KDM4A: variants seen among roughly 807,000 people sequenced by gnomAD.
KDM4A encodes lysine-specific demethylase 4A.
KDM4A carries 23 observed loss-of-function variants against 127.1 expected under a neutral mutation model. The ratio of observed to expected loss-of-function variants is 0.18; its 90% CI spans 0.13 to 0.26. KDM4A has a LOEUF of 0.26. Ranked by LOEUF, KDM4A falls within the 10% of genes least tolerant of loss-of-function variation. The pLI, the probability that KDM4A is intolerant of heterozygous loss-of-function variation, is 1.00. For missense variants in KDM4A, 890 were observed against 1,329.1 expected, an observed-to-expected ratio of 0.67 and a Z score of 5.14; for synonymous variants, 443 against 466.5, an observed-to-expected ratio of 0.95 and a Z score of 0.65.
chr1:43,667,473 A>G (rs1477710695), intron 8 of KDM4A, among the ~76,000 whole-genome samples: 4 of 152,146 alleles, frequency 2.6e-5, no homozygotes, highest in South Asian at 2.1e-4. Flanking sequence ...ACAGGGAACA[A>G]GGGCAGGTGG....
At chr1:43,672,314 G>A (rs1436128610) in intron 11 of KDM4A, among the ~76,000 whole-genome samples, 9 of 151,600 alleles carry the variant, frequency 5.9e-5, no homozygotes, top group South Asian at 4.2e-4. Flanking sequence ...TCAGCCTCTC[G>A]AGTAGCTGGT....
chr1:43,694,589 C>T lies in KDM4A; in HGVS notation c.2485-120C>T, dbSNP rs950351770. The stretch of plus-strand genomic sequence containing the variant: ...CCTGGATTAGAGCAGGCTGGTGTGT[C>T]CTTGTATTTTGGGAAGGGGCTGGCT... On this transcript the variant is annotated intron_variant, in intron 17 of 21. Coordinates refer to ENST00000372396, the MANE Select transcript of KDM4A (RefSeq NM_014663.3). This position sits in a 1 kb window ranked among gnomAD's most constrained non-coding sequence, Gnocchi z 5.2. 21 of 779,260 alleles carry T rather than the reference C, an allele frequency of 2.7e-5. No individual in the cohort carries two copies. The African/African-American group carries it at 3.1e-4, about 12-fold the overall frequency. The allele number at this position is 779,260 out of a possible 1,614,324, so 48.3% of individuals were successfully genotyped here. A position where few individuals can be genotyped will look rare whatever the true frequency, so the allele number is the denominator to read the frequency against.
Position 43,693,877 on chromosome 1 carries a change from C to A in KDM4A, c.2376-117C>A, listed in dbSNP as rs1661178055. 2 of 741,858 alleles carry A rather than the reference C, an allele frequency of 2.7e-6. No individual in the cohort carries two copies. The allele number at this position is 741,858 out of a possible 1,614,324, so 46.0% of individuals were successfully genotyped here. ...CACCTTCCTGGGTCCCAGGCATGTGCTGGTGGAAGTCAGTGGTCACCCAGG... is the reference window on the plus strand; with the variant it reads ...CACCTTCCTGGGTCCCAGGCATGTGATGGTGGAAGTCAGTGGTCACCCAGG... On this transcript the variant is annotated intron_variant, in intron 16 of 21. Coordinates refer to ENST00000372396, the MANE Select transcript of KDM4A (RefSeq NM_014663.3). This position sits in a 1 kb window ranked among gnomAD's most constrained non-coding sequence, Gnocchi z 4.2.
chr1:43,694,795 T>C lies in KDM4A; in HGVS notation c.2571T>C (p.His857=), dbSNP rs61751199. 1.0e-3 allele frequency: 1,659 copies of C among 1,614,150 alleles called. 17 individuals carry two copies. Among genetic ancestry groups the C allele is most frequent in the Non-Finnish European group, 3.8e-4 (453 of 1,179,984 alleles). Residue 857 remains histidine (H), a synonymous_variant, in exon 18 of 22, where the codon CAT becomes CAC. Coordinates refer to ENST00000372396, the MANE Select transcript of KDM4A (RefSeq NM_014663.3). This position sits in a 1 kb window ranked among gnomAD's most constrained non-coding sequence, Gnocchi z 5.2. ...CSHGRCPTAF[H]VSCAQAAGVM... ...ACGGCCGCTGCCCAACTGCCTTCCA[T>C]GTGAGCTGCGCCCAGGCTGCCGGTG...
chr1:43,703,332 T>C (rs1661454355), intron 19 of KDM4A: 3 of 288,674 alleles, frequency 1.0e-5, no homozygotes, highest in Non-Finnish European at 1.3e-5. Context: ...GTTGAGGGAA[T>C]GTAAGAAGGA....
chr1:43,658,148 C>T (rs972575666), intron 3 of KDM4A, among the ~76,000 whole-genome samples: 6 of 150,634 alleles, frequency 4.0e-5, no homozygotes, highest in Non-Finnish European at 8.8e-5. Context: ...TCACTCACTG[C>T]AATCTCTGCC....
rs114650280 is a variant in KDM4A at position 43,671,189 on chromosome 1, C to T, written c.1364-316C>T. Among the ~76,000 whole-genome samples the T allele has an allele frequency of 9.9e-3, 1,512 of 152,366 alleles. 23 individuals carry two copies. Among genetic ancestry groups the T allele is most frequent in the African/African-American group, 0.035 (1,446 of 41,586 alleles). The stretch of plus-strand genomic sequence containing the variant: ...CAGGTCTCTGCTGAGCTCAGACTTG[C>T]ATTACCTGCAGGAGACTTTGGAGGA... On this transcript the variant is annotated intron_variant, in intron 10 of 21. Coordinates refer to ENST00000372396, the MANE Select transcript of KDM4A (RefSeq NM_014663.3).
chr1:43,698,618 C>T (rs1661302282), intron 19 of KDM4A, among the ~76,000 whole-genome samples: 1 of 152,190 alleles, frequency 6.6e-6, no homozygotes, highest in Non-Finnish European at 1.5e-5. Context: ...GGTAGACTGA[C>T]CACCAAAGTA....
At chr1:43,682,470 G>C (rs895135512) in intron 11 of KDM4A, among the ~76,000 whole-genome samples, 3 of 152,178 alleles carry the variant, frequency 2.0e-5, no homozygotes, top group Admixed American at 2.0e-4. Context: ...AGTAGGAAAA[G>C]GTCCCTGATA....
chr1:43,661,606 C>G (rs1474743565), intron 4 of KDM4A, among the ~76,000 whole-genome samples: 2 of 48,220 alleles, frequency 4.1e-5, no homozygotes, highest in African/African-American at 2.3e-4. Context: ...AAGACTCTGT[C>G]TCAAAAAAAA....
rs1660485450 is a variant in KDM4A, at chr1:43,665,679, C to T, written c.624-17C>T. The stretch of plus-strand genomic sequence containing the variant: ...CCTGCCCTCCACCCAGCCTCTGATG[C>T]TCTCATGTGATTGCAGGTACTCTGT... On this transcript the variant is annotated splice_polypyrimidine_tract_variant and intron_variant, in intron 5 of 21. Transcript: ENST00000372396. 6.2e-7 allele frequency: 1 copy of T among 1,613,678 alleles called. No homozygotes were observed. The highest frequency in any genetic ancestry group is 1.7e-5 in the Admixed American group (1 of 60,002).
At position 43,704,130 on chromosome 1, in the gene KDM4A, C is replaced by T; in HGVS notation, c.3054+18C>T. 2 of 1,611,524 alleles carry T rather than the reference C, an allele frequency of 1.2e-6. No individual in the cohort carries two copies. The highest frequency in any genetic ancestry group is 1.7e-6 in the Non-Finnish European group (2 of 1,178,054). The stretch of plus-strand genomic sequence containing the variant: ...CTAGACTGGTGAGTATTTTCTGTGT[C>T]CCCCCAGTTCCTGTCTTGGAGGGAG... On this transcript the variant is annotated intron_variant, in intron 21 of 21. Coordinates refer to ENST00000372396, the MANE Select transcript of KDM4A (RefSeq NM_014663.3).
intron 18 of KDM4A, among the ~76,000 whole-genome samples, chr1:43,695,993 A>C (rs1016507863): frequency 1.3e-5 from 2 of 152,208 alleles, no homozygotes; most frequent in Non-Finnish European, 2.9e-5. Context: ...AGGGATGAGA[A>C]AGAGGAAAGT....
At chr1:43,703,834 A>AAAGGCCTTTGTTTCCTTGG in intron 20 of KDM4A, 98 bp downstream of exon 20, 3 of 1,518,342 alleles carry the variant, frequency 2.0e-6, no homozygotes, top group Non-Finnish European at 2.7e-6. Context: ...AGGAGAACTA[A>AAAGGCCTTTGTTTCCTTGG]TAGGTTGGTA....
At position 43,693,549 on chromosome 1, in the gene KDM4A, T is replaced by G. The variant is rs1048081673; in HGVS notation, c.2376-445T>G. On this transcript the variant is annotated intron_variant, in intron 16 of 21. Coordinates refer to ENST00000372396, the MANE Select transcript of KDM4A (RefSeq NM_014663.3). The surrounding 1 kb of genome is among the most constrained non-coding windows in gnomAD (Gnocchi z 4.2). ...GCAGAAGGGAGAGGTCATTTCAGCC[T>G]GGGGGAGAGGTTTGGGCAGAGGCCG... Among the ~76,000 whole-genome samples the G allele has an allele frequency of 3.3e-5, 5 of 152,122 alleles. No homozygotes were observed. The highest frequency in any genetic ancestry group is 5.9e-5 in the Non-Finnish European group (4 of 68,014).
intron 19 of KDM4A, among the ~76,000 whole-genome samples, chr1:43,698,331 A>T (rs139809837): frequency 6.6e-6 from 1 of 152,350 alleles, no homozygotes; most frequent in Non-Finnish European, 1.5e-5. Flanking sequence ...GGAATCAAAT[A>T]TGCCAATACC....
rs1455948691 is a variant in KDM4A at position 43,690,727 on chromosome 1, G to A, written c.2038-118G>A. The A allele has an allele frequency of 1.1e-4, 105 of 926,416 alleles. 1 individual carries two copies. Among genetic ancestry groups the A allele is most frequent in the Middle Eastern group, 2.2e-4 (1 of 4,572 alleles). 57.4% of individuals were successfully genotyped at this position (926,416 alleles called of 1,614,324 possible). On this transcript the variant is annotated intron_variant, in intron 13 of 21. Coordinates refer to ENST00000372396, the MANE Select transcript of KDM4A (RefSeq NM_014663.3). Reference sequence around the variant, plus strand: ...GCTCCGGGATAATGGCTGTGCACCCGGGAGCTGTAGCCATAGTCAGATCGG... The same window carrying A: ...GCTCCGGGATAATGGCTGTGCACCCAGGAGCTGTAGCCATAGTCAGATCGG...
chr1:43,690,142 A>T (rs2154048488), intron 13 of KDM4A, among the ~76,000 whole-genome samples: 1 of 152,352 alleles, frequency 6.6e-6, no homozygotes, highest in East Asian at 1.9e-4. Flanking sequence ...CAGGAATCAC[A>T]CAGGTGGGGC....
At chr1:43,678,306 G>A (rs1377146150) in intron 11 of KDM4A, among the ~76,000 whole-genome samples, 1 of 152,128 alleles carries the variant, frequency 6.6e-6, no homozygotes, top group South Asian at 2.1e-4. Context: ...AAGAATGTGT[G>A]TAGAGTGAAG....
Sources: gnomAD v4.1 joint callset for allele counts (sites outside exome capture counted in the v4.1 genomes callset) on GRCh38, gnomAD v4.1.1 for gene constraint, Gnocchi (gnomAD v3.1) non-coding constraint, MANE v1.5 for transcripts, NCBI Gene and HGNC (gene_info 2026-07-23, HGNC 2026-07-21) for gene names.